MAST4: variants seen among roughly 807,000 people sequenced by gnomAD.
MAST4 encodes the protein microtubule-associated serine/threonine-protein kinase 4.
In MAST4, 89 loss-of-function variants were observed where a neutral mutation model predicts 162.7. That is an observed-to-expected ratio of 0.55 (90% CI 0.46 to 0.65). The LOEUF (loss-of-function observed/expected upper bound fraction) is 0.65, where lower values mean the gene tolerates loss of function less well. MAST4 is among the 30% of genes least tolerant of loss of function. MAST4 has a pLI of 0.00. For synonymous variants in MAST4, 1,479 were observed against 1,361.1 expected, an observed-to-expected ratio of 1.09 and a Z score of -1.91; for missense variants, 3,153 against 3,374.0, an observed-to-expected ratio of 0.93 and a Z score of 1.62.
chr5:66,962,550 A>G (rs546929949), intron 4 of MAST4, among the ~76,000 whole-genome samples: 8 of 152,322 alleles, frequency 5.3e-5, no homozygotes, highest in Non-Finnish European at 1.0e-4. Context: ...TCTACAAAAA[A>G]TACAAAAATT....
intron 4 of MAST4, among the ~76,000 whole-genome samples, chr5:67,047,926 T>C (rs911699169): frequency 4.6e-5 from 7 of 152,130 alleles, no homozygotes; most frequent in African/African-American, 7.2e-5. Flanking sequence ...GTGGTGGAGA[T>C]GTAGACTTGA....
At chr5:67,093,895 T>G (rs1764135801) in intron 6 of MAST4, among the ~76,000 whole-genome samples, 1 of 152,202 alleles carries the variant, frequency 6.6e-6, no homozygotes, top group Admixed American at 6.5e-5. Flanking sequence ...AAATATATAG[T>G]GCAGGTATGG....
Position 66,795,508 on chromosome 5 carries a change from A to T in MAST4, c.642+6714A>T, listed in dbSNP as rs531296705. Among the ~76,000 whole-genome samples, 324 of 152,304 alleles carry T rather than the reference A, an allele frequency of 2.1e-3. 1 individual carries two copies. Among genetic ancestry groups the T allele is most frequent in the Middle Eastern group, 0.014 (4 of 294 alleles). ...GAATGCCGTACAAATTTATACTTTT[A>T]GATTGGTAAAGTGCATCTCACTATA... On this transcript the variant is annotated intron_variant, in intron 3 of 28. Coordinates refer to ENST00000403625, the MANE Select transcript of MAST4 (RefSeq NM_001164664.2).
chr5:66,763,247 A>G (rs1753934476), intron 2 of MAST4, among the ~76,000 whole-genome samples: 1 of 152,232 alleles, frequency 6.6e-6, no homozygotes, highest in Admixed American at 6.5e-5. Flanking sequence ...TTCCAGCAGT[A>G]TTAACTGGAG....
intron 2 of MAST4, among the ~76,000 whole-genome samples, chr5:66,764,027 GT>G (rs1219048587): frequency 2.6e-5 from 4 of 152,236 alleles, no homozygotes; most frequent in Non-Finnish European, 5.9e-5. Flanking sequence ...CCACGAGATA[GT>G]TTTTGAACCC....
At chr5:67,017,272 T>C (rs1158802219) in intron 4 of MAST4, among the ~76,000 whole-genome samples, 1 of 152,252 alleles carries the variant, frequency 6.6e-6, no homozygotes, top group Non-Finnish European at 1.5e-5. Context: ...TGATACAATA[T>C]GTGAGCTGTT....
At chr5:66,708,818 A>G (rs1296245811) in intron 1 of MAST4, among the ~76,000 whole-genome samples, 1 of 152,180 alleles carries the variant, frequency 6.6e-6, no homozygotes, top group African/African-American at 2.4e-5. Context: ...AAGTGAATTT[A>G]TTTCCTGGGT....
intron 4 of MAST4, among the ~76,000 whole-genome samples, chr5:67,010,297 G>A (rs186527989): frequency 2.0e-5 from 3 of 152,324 alleles, no homozygotes; most frequent in African/African-American, 7.2e-5. Flanking sequence ...ATGGCTGTAA[G>A]CAAGAGCCGA....
Position 66,675,388 on chromosome 5 carries a change from A to G in MAST4, c.363+78370A>G, listed in dbSNP as rs567099765. On this transcript the variant is annotated intron_variant, in intron 1 of 28. Transcript: ENST00000403625. ...GAAGGGAAAGAGATTGCCACTGGAA[A>G]CCAGTGTGGTTAATGATGAGCCATT... 7.2e-5 allele frequency among the ~76,000 whole-genome samples: 11 copies of G among 152,242 alleles called. No homozygotes were observed. The South Asian group carries it at 2.1e-3, about 29-fold the overall frequency.
intron 4 of MAST4, among the ~76,000 whole-genome samples, chr5:67,008,850 A>G (rs566018198): frequency 1.3e-5 from 2 of 152,228 alleles, no homozygotes; most frequent in Non-Finnish European, 2.9e-5. Flanking sequence ...TGTAGTTGTC[A>G]GGATGTATTG....
At chr5:66,947,751 C>G (rs374203994) in intron 4 of MAST4, among the ~76,000 whole-genome samples, 1 of 152,146 alleles carries the variant, frequency 6.6e-6, no homozygotes, top group East Asian at 1.9e-4. Context: ...TATCCCGGAC[C>G]CCACAGGAAA....
chr5:67,131,397 C>T (rs1240777472), intron 15 of MAST4, among the ~76,000 whole-genome samples: 2 of 152,098 alleles, frequency 1.3e-5, no homozygotes, highest in African/African-American at 2.4e-5. Flanking sequence ...TTATTACCAT[C>T]CTCGTATTAC....
At chr5:67,061,999 C>T (rs906872215) in intron 5 of MAST4, among the ~76,000 whole-genome samples, 1 of 152,142 alleles carries the variant, frequency 6.6e-6, no homozygotes, top group Non-Finnish European at 1.5e-5. Context: ...GATTTTCATG[C>T]AGTGCTCAAA....
Position 67,166,713 on chromosome 5 carries a change from C to T in MAST4, c.7534C>T (p.Arg2512Ter), listed in dbSNP as rs1489728943. 1 of 1,589,384 alleles carries T rather than the reference C, an allele frequency of 6.3e-7. No individual in the cohort carries two copies. The highest frequency in any genetic ancestry group is 8.6e-7 in the Non-Finnish European group (1 of 1,168,100). The change falls in exon 29 of 29, where the codon CGA (arginine) becomes TGA (stop). Residue 2512 changes from arginine (R) to a stop codon, truncating the protein, a stop_gained. Transcript: ENST00000403625. LOFTEE classifies it low-confidence loss of function (END_TRUNC). Reference protein sequence around the residue: ...HRKAQPAGEGRTHMTKSDSLP... With the variant: ...HRKAQPAGEG ...GAAGGCTCAGCCTGCCGGGGAGGGCCGAACCCACATGACAAAGAGTGACTC... is the reference window on the plus strand; with the variant it reads ...GAAGGCTCAGCCTGCCGGGGAGGGCTGAACCCACATGACAAAGAGTGACTC...
intron 4 of MAST4, among the ~76,000 whole-genome samples, chr5:66,937,733 C>T (rs188033476): frequency 1.3e-5 from 2 of 152,062 alleles, no homozygotes; most frequent in Admixed American, 1.3e-4. Context: ...TGCTGTATTT[C>T]CCTAAGGTGC....
intron 18 of MAST4, among the ~76,000 whole-genome samples, chr5:67,136,337 T>C (rs1769641632): frequency 6.6e-6 from 1 of 152,222 alleles, no homozygotes; most frequent in African/African-American, 2.4e-5. Context: ...TCTTCCTACC[T>C]TGTAAAAAAT....
At chr5:67,106,256 C>T (rs987867176) in intron 10 of MAST4, among the ~76,000 whole-genome samples, 1 of 152,064 alleles carries the variant, frequency 6.6e-6, no homozygotes, top group African/African-American at 2.4e-5. Flanking sequence ...TACCTCAGAC[C>T]AGTAGTCATC....
chr5:66,832,763 A>G (rs1034310478), intron 3 of MAST4, among the ~76,000 whole-genome samples: 3 of 152,224 alleles, frequency 2.0e-5, no homozygotes, highest in African/African-American at 7.2e-5. Flanking sequence ...GACTGGCTAT[A>G]GGGAAGAAGT....
At chr5:67,017,159 CTATA>C (rs1753397663) in intron 4 of MAST4, among the ~76,000 whole-genome samples, 1 of 152,164 alleles carries the variant, frequency 6.6e-6, no homozygotes, top group African/African-American at 2.4e-5. Context: ...TAAGAATAGA[CTATA>C]AATAATCTAC....
Sources: allele counts gnomAD v4.1 joint callset (sites outside exome capture counted in the v4.1 genomes callset), GRCh38; gene constraint gnomAD v4.1.1; transcripts MANE v1.5; gene names NCBI Gene and HGNC (gene_info 2026-07-23, HGNC 2026-07-21).